Variants in CENPH observed in about 807,000 individuals in gnomAD.
CENPH encodes centromere protein H.
A neutral mutation model predicts 42.9 loss-of-function variants in CENPH; 40 were observed. That is an observed-to-expected ratio of 0.93 (90% CI 0.72 to 1.21). CENPH has a LOEUF of 1.21. CENPH is among the 50% of genes most tolerant of loss of function. CENPH has a pLI of 0.00. For missense variants in CENPH, 302 were observed against 292.9 expected (o/e 1.03, Z -0.23); for synonymous variants, 88 against 96.5 (o/e 0.91, Z 0.52).
At chr5:69,199,951 A>T (rs1289064470) in intron 5 of CENPH, among the ~76,000 whole-genome samples, 3 of 152,090 alleles carry the variant, frequency 2.0e-5, no homozygotes, top group African/African-American at 7.2e-5. Context: ...TATCTCTACT[A>T]AAAATGCAAA....
chr5:69,201,717 G>A (rs1748061780), intron 5 of CENPH, among the ~76,000 whole-genome samples: 1 of 152,098 alleles, frequency 6.6e-6, no homozygotes, highest in Admixed American at 6.6e-5. Context: ...AAATTAGTGG[G>A]ACATGGTAGT....
chr5:69,203,024 G>A, intron 7 of CENPH, 54 bp downstream of exon 7: 1 of 1,166,260 alleles, frequency 8.6e-7, no homozygotes, highest in African/African-American at 1.6e-5. Context: ...TTTATAGATT[G>A]ATAAGGCCAG....
At chr5:69,208,769 T>C (rs576746853) in intron 8 of CENPH, among the ~76,000 whole-genome samples, 1 of 152,286 alleles carries the variant, frequency 6.6e-6, no homozygotes, top group Admixed American at 6.5e-5. Context: ...ATCTGGAATG[T>C]GTGTATACTT....
chr5:69,194,658 A>T lies in CENPH; in HGVS notation c.202A>T (p.Thr68Ser). 6 of 1,586,016 alleles carry T rather than the reference A, an allele frequency of 3.8e-6. No individual in the cohort carries two copies. Among genetic ancestry groups the T allele is most frequent in the Non-Finnish European group, 4.3e-6 (5 of 1,163,504 alleles). The change falls in exon 3 of 9, where the codon ACT becomes TCT. Residue 68 changes from threonine to serine, a missense_variant. Thr to Ser is a moderately conservative substitution (Grantham distance 58). Coordinates refer to ENST00000283006, the MANE Select transcript of CENPH (RefSeq NM_022909.4). ...KSMVDASEEK[T>S]PEQIMQEKQI... is the part of the protein sequence containing the mutation. ...TTATTTATTTGCAGGTGAAGAAAAA[A>T]CTCCAGAACAAATTATGCAAGAAAA... is the stretch of plus-strand genomic sequence containing the variant.
intron 2 of CENPH, among the ~76,000 whole-genome samples, chr5:69,192,526 A>G (rs145675399): frequency 1.4e-3 from 214 of 152,334 alleles, no homozygotes; most frequent in African/African-American, 4.9e-3. Context: ...AAAATTGACT[A>G]TCTGCTCTTT....
intron 5 of CENPH, 93 bp downstream of exon 5, chr5:69,197,202 C>A: frequency 1.5e-6 from 1 of 688,740 alleles, no homozygotes; most frequent in Non-Finnish European, 2.3e-6. Context: ...CTGCCAACTA[C>A]CTTTGTCTGG....
chr5:69,194,062 G>A (rs1017372277), intron 2 of CENPH, among the ~76,000 whole-genome samples: 151 of 152,252 alleles, frequency 9.9e-4, no homozygotes, highest in African/African-American at 3.5e-3. Context: ...GGATAGCATA[G>A]ATAGGAAACA....
chr5:69,192,899 C>A (rs1747899322), intron 2 of CENPH, among the ~76,000 whole-genome samples: 1 of 152,096 alleles, frequency 6.6e-6, no homozygotes, highest in African/African-American at 2.4e-5. Context: ...GAGTTCGAGA[C>A]CAGCCTGACC....
intron 2 of CENPH, among the ~76,000 whole-genome samples, chr5:69,192,909 C>T (rs1747899465): frequency 6.6e-6 from 1 of 152,070 alleles, no homozygotes; most frequent in African/African-American, 2.4e-5. Context: ...CCAGCCTGAC[C>T]AACGTAGAGA....
rs1435481308 is a variant in CENPH at position 69,204,650 on chromosome 5, G to A, written c.487+1680G>A. 2.4e-5 allele frequency among the ~76,000 whole-genome samples: 3 copies of A among 123,388 alleles called. No homozygotes were observed. The South Asian group carries it at 8.2e-4, about 34-fold the overall frequency. The allele number at this position is 123,388 out of a possible 152,430, so 80.9% of individuals were successfully genotyped here. ...AGATGCTGTCTTGCTCTGTCACCCAGGCTGGAGTGCAGTGCTGCAATCTCG... is the reference window on the plus strand; with the variant it reads ...AGATGCTGTCTTGCTCTGTCACCCAAGCTGGAGTGCAGTGCTGCAATCTCG... On this transcript the variant is annotated intron_variant, in intron 7 of 8. Transcript: ENST00000283006.
intron 3 of CENPH, among the ~76,000 whole-genome samples, chr5:69,195,186 G>A (rs1256232609): frequency 6.6e-6 from 1 of 152,050 alleles, no homozygotes; most frequent in African/African-American, 2.4e-5. Context: ...CCAAGATTGC[G>A]CCATTGCACT....
chr5:69,195,864 T>A, intron 4 of CENPH, 73 bp downstream of exon 4: 42 of 704,984 alleles, frequency 6.0e-5, no homozygotes, highest in Non-Finnish European at 9.0e-5. Flanking sequence ...GTGGAGGGAA[T>A]CTTTTAACTG....
chr5:69,197,069 G>A lies in CENPH; in HGVS notation c.331G>A (p.Ala111Thr). 1 of 1,571,558 alleles carries A rather than the reference G, an allele frequency of 6.4e-7. No homozygotes were observed. Among genetic ancestry groups the A allele is most frequent in the Non-Finnish European group, 8.6e-7 (1 of 1,166,014 alleles). Residue 111 changes from alanine to threonine, a missense_variant, in exon 5 of 9, where the codon GCA becomes ACA. Transcript: ENST00000283006. The part of the protein sequence containing the change: ...LALDRMRLST[A>T]LKKNLEKISR... ...CTCTCATAGGATGAGACTTTCAACT[G>A]CACTTAAAAAAAACCTGGAGAAAAT... is the stretch of plus-strand genomic sequence containing the variant.
Position 69,208,344 on chromosome 5 carries a change from TCAA to T in CENPH, c.639_641del (p.Gln213del). The T allele has an allele frequency of 6.3e-7, 1 of 1,591,646 alleles. No homozygotes were observed. The highest frequency in any genetic ancestry group is 1.7e-5 in the Admixed American group (1 of 58,006). ...TGGAGATAAAAATTACTACTGTTAT[TCAA>T]CATGTGTTCCAGGTAACATTTATAT... On this transcript the variant is annotated inframe_deletion, in exon 8 of 9. Coordinates refer to ENST00000283006, the MANE Select transcript of CENPH (RefSeq NM_022909.4).
chr5:69,200,380 A>AT (rs1748038506), intron 5 of CENPH, among the ~76,000 whole-genome samples: 1 of 152,132 alleles, frequency 6.6e-6, no homozygotes, highest in Admixed American at 6.6e-5. Flanking sequence ...AACCAATTAC[A>AT]TTTTGTCTTC....
chr5:69,202,052 C>T (rs1157737702), intron 5 of CENPH, among the ~76,000 whole-genome samples: 1 of 152,142 alleles, frequency 6.6e-6, no homozygotes, highest in African/African-American at 2.4e-5. Flanking sequence ...TCTGTACCTT[C>T]CACTCGGTTT....
At position 69,191,821 on chromosome 5, in the gene CENPH, T is replaced by G. The variant is rs1038040037; in HGVS notation, c.161T>G (p.Leu54Arg). The G allele has an allele frequency of 3.2e-6, 5 of 1,550,164 alleles. No individual in the cohort carries two copies. In the South Asian group the frequency reaches 4.5e-5, roughly 14 times the overall value. ...LRLRAQTKQQ[L>R]LEYKSMVDAS... ...CTGAGAGCACAGACAAAACAACAAC[T>G]CTTAGAATATAAATCAATGGTTGAT... Residue 54 changes from leucine (L) to arginine (R), a missense_variant, in exon 2 of 9, where the codon CTC (leucine) becomes CGC (arginine). Transcript: ENST00000283006.
At chr5:69,205,995 C>A (rs1220863686) in intron 7 of CENPH, among the ~76,000 whole-genome samples, 1 of 152,004 alleles carries the variant, frequency 6.6e-6, no homozygotes, top group Non-Finnish European at 1.5e-5. Flanking sequence ...AGGCATGAGC[C>A]ACCATGCCCG....
At chr5:69,190,270 G>C (rs1054315333) in intron 1 of CENPH, among the ~76,000 whole-genome samples, 1 of 152,216 alleles carries the variant, frequency 6.6e-6, no homozygotes, top group Non-Finnish European at 1.5e-5. Flanking sequence ...CTAGTGAGCA[G>C]GAGAAGGTCC....
Sources: gnomAD v4.1 joint callset for allele counts (sites outside exome capture counted in the v4.1 genomes callset) on GRCh38, gnomAD v4.1.1 for gene constraint, MANE v1.5 for transcripts, NCBI Gene and HGNC (gene_info 2026-07-23, HGNC 2026-07-21) for gene names.